RTEL1: variants seen among roughly 807,000 people sequenced by gnomAD.
RTEL1 encodes regulator of telomere elongation helicase 1.
Under a neutral mutation model 162.2 loss-of-function variants are expected in RTEL1, and 86 were observed. That is an observed-to-expected ratio of 0.53 (90% CI 0.45 to 0.63). The LOEUF (loss-of-function observed/expected upper bound fraction) is 0.63, where lower values mean the gene tolerates loss of function less well. Ranked by LOEUF, RTEL1 falls within the 30% of genes least tolerant of loss-of-function variation. The pLI is 0.00. For missense variants in RTEL1, 1,941 were observed against 1,750.2 expected (o/e 1.11, Z -1.95); for synonymous variants, 958 against 717.9 (o/e 1.33, Z -5.35).
At position 63,694,687 on chromosome 20, in the gene RTEL1, G is replaced by A. The variant is rs565723763; in HGVS notation, c.3110-54G>A. On this transcript the variant is annotated intron_variant, in intron 31 of 34. Transcript: ENST00000360203. ...GGAGGAAGGGCGGGCAGGGCGGTGGGACTCTCAGTCCTCCACCCCAGCGCC... is the reference window on the plus strand; with the variant it reads ...GGAGGAAGGGCGGGCAGGGCGGTGGAACTCTCAGTCCTCCACCCCAGCGCC... 4.8e-6 allele frequency: 7 copies of A among 1,448,582 alleles called. No individual in the cohort carries two copies. In the East Asian group the frequency reaches 1.4e-4, roughly 29 times the overall value. The allele number at this position is 1,448,582 out of a possible 1,614,324, so 89.7% of individuals were successfully genotyped here.
Position 63,692,869 on chromosome 20 carries a change from A to G in RTEL1, c.2717A>G (p.Glu906Gly), listed in dbSNP as rs762199950. 3 of 1,612,620 alleles carry G rather than the reference A, an allele frequency of 1.9e-6. No individual in the cohort carries two copies. The highest frequency in any genetic ancestry group is 2.2e-5 in the East Asian group (1 of 44,876). The change falls in exon 29 of 35, where the codon GAG (glutamate) becomes GGG (glycine). Residue 906 changes from glutamate to glycine, a missense_variant. Transcript: ENST00000360203. ...AKLFMVAVKQ[E>G]LSQANFATFT... ...CTCTTCATGGTGGCCGTGAAGCAGG[A>G]GTTGAGCCAAGCCAACTTTGCCACC...
Position 63,690,933 on chromosome 20 carries a change from C to A in RTEL1, c.2542C>A (p.Pro848Thr), listed in dbSNP as rs1295440820. The change falls in exon 27 of 35, where the codon CCT becomes ACT. Residue 848 changes from proline to threonine, a missense_variant. Pro to Thr is a conservative substitution (Grantham distance 38). Coordinates refer to ENST00000360203, the MANE Select transcript of RTEL1 (RefSeq NM_001283009.2). ...GCACAGCGAACAGCGGGCGGGGAGC[C>A]CTGGCGAGGAGCAGGTACAGTTCCA... ...LEHSEQRAGSPGEEQAHSCST... is the reference protein window; with the variant it reads ...LEHSEQRAGSTGEEQAHSCST... 1.3e-6 allele frequency: 2 copies of A among 1,554,192 alleles called. No homozygotes were observed. The highest frequency in any genetic ancestry group is 1.4e-5 in the African/African-American group (1 of 73,398).
chr20:63,674,105 G>A lies in RTEL1; in HGVS notation c.919+12G>A. On this transcript the variant is annotated intron_variant, in intron 10 of 34. Transcript: ENST00000360203. ...CTCCCCCAGCCCAGGTGCGTTCATA[G>A]CCAGACTGCTTGGTCCTGAGGCCTG... 1 of 1,603,176 alleles carries A rather than the reference G, an allele frequency of 6.2e-7. No individual in the cohort carries two copies. Among genetic ancestry groups the A allele is most frequent in the Non-Finnish European group, 8.5e-7 (1 of 1,174,708 alleles).
chr20:63,681,350 G>A (rs947626491), intron 14 of RTEL1: 21 of 985,262 alleles, frequency 2.1e-5, no homozygotes, highest in African/African-American at 5.2e-5. Context: ...TTGCCTCTCC[G>A]GGGCCTCGGT....
At chr20:63,670,846 C>T (rs1283073481) in intron 8 of RTEL1, among the ~76,000 whole-genome samples, 1 of 151,476 alleles carries the variant, frequency 6.6e-6, no homozygotes, top group African/African-American at 2.4e-5. Flanking sequence ...AAAGAAAAGA[C>T]TTCAGTGTGC....
In RTEL1 at chr20:63,662,856, A is replaced by G. The variant is rs2090048584; in HGVS notation, c.505A>G (p.Ser169Gly). The G allele has an allele frequency of 1.2e-6, 2 of 1,613,836 alleles. No homozygotes were observed. Among genetic ancestry groups the G allele is most frequent in the African/African-American group, 2.7e-5 (2 of 74,924 alleles). The change falls in exon 6 of 35, where the codon AGT (serine) becomes GGT (glycine). Residue 169 changes from serine to glycine, a missense_variant. Transcript: ENST00000360203. ...CCACTTGTGCCGTAAGAAGGTGGCAAGTCGCTCCTGTCATTTCTACAACAA... is the reference window on the plus strand; with the variant it reads ...CCACTTGTGCCGTAAGAAGGTGGCAGGTCGCTCCTGTCATTTCTACAACAA... ...QIHLCRKKVA[S>G]RSCHFYNNVE...
intron 10 of RTEL1, among the ~76,000 whole-genome samples, chr20:63,677,758 A>G (rs543717425): frequency 1.4e-5 from 2 of 139,518 alleles, no homozygotes; most frequent in Non-Finnish European, 3.1e-5. Context: ...CTGTTGGTGG[A>G]TTTGGCCTGC....
At position 63,695,209 on chromosome 20, in the gene RTEL1, G is replaced by T. The variant is rs550764571; in HGVS notation, c.3487G>T (p.Ala1163Ser). The stretch of plus-strand genomic sequence containing the variant: ...CGTGCCTCCTGTGCTTACCCACAGG[G>T]CTCCCCAACCAGGTAGGGCACCTGC... ...LAVPPVLTHR[A>S]PQPGPSRSEK... Residue 1163 changes from alanine to serine, a missense_variant, in exon 33 of 35, where the codon GCT becomes TCT. Coordinates refer to ENST00000360203, the MANE Select transcript of RTEL1 (RefSeq NM_001283009.2). The T allele has an allele frequency of 7.0e-5, 113 of 1,611,868 alleles. No individual in the cohort carries two copies. The highest frequency in any genetic ancestry group is 8.8e-5 in the Non-Finnish European group (104 of 1,179,642).
At chr20:63,678,917 G>T (rs1293065032) in intron 12 of RTEL1, among the ~76,000 whole-genome samples, 1 of 151,818 alleles carries the variant, frequency 6.6e-6, no homozygotes, top group Non-Finnish European at 1.5e-5. Flanking sequence ...CACACCCACG[G>T]AACAGCACAC....
At chr20:63,684,800 G>T (rs907176933) in intron 14 of RTEL1, among the ~76,000 whole-genome samples, 5 of 152,002 alleles carry the variant, frequency 3.3e-5, no homozygotes, top group Non-Finnish European at 5.9e-5. Context: ...CTGCCCTGAC[G>T]TTTTTTCCAT....
At chr20:63,691,949 A>T in intron 28 of RTEL1, 112 bp downstream of exon 28, 1 of 760,952 alleles carries the variant, frequency 1.3e-6, no homozygotes, top group East Asian at 2.6e-5. Context: ...ATCCACCCCC[A>T]GGAGCTGATG....
chr20:63,688,280 C>A (rs199718552), intron 19 of RTEL1, 21 bp from the exon 20 acceptor site: 57 of 1,610,848 alleles, frequency 3.5e-5, no homozygotes, highest in Non-Finnish European at 4.3e-5. Context: ...CCTGCCTTGA[C>A]CCCGGCCCCT....
At chr20:63,689,021 G>A (rs768569515) in intron 21 of RTEL1, 34 bp from the exon 22 acceptor site, 1 of 1,577,476 alleles carries the variant, frequency 6.3e-7, no homozygotes, top group East Asian at 2.2e-5. Context: ...CTGGGGGGGG[G>A]CTCCAGGCTC....
rs753746592 is a variant in RTEL1 at position 63,690,189 on chromosome 20, C to T, written c.2244C>T (p.Phe748=). The T allele has an allele frequency of 1.9e-6, 3 of 1,612,396 alleles. No individual in the cohort carries two copies. The African/African-American group carries it at 4.0e-5, about 22-fold the overall frequency. ...FGHVIRDVAQ[F]FRVAERTMPA... ...ATGTCATCCGAGACGTGGCCCAGTTCTTCCGTGTTGCCGAGCGAACTGTGA... is the reference window on the plus strand; with the variant it reads ...ATGTCATCCGAGACGTGGCCCAGTTTTTCCGTGTTGCCGAGCGAACTGTGA... The change falls in exon 25 of 35, where the codon TTC becomes TTT. Residue 748 remains phenylalanine, a synonymous_variant. Coordinates refer to ENST00000360203, the MANE Select transcript of RTEL1 (RefSeq NM_001283009.2).
rs58559263 is a variant in RTEL1, at chr20:63,687,621, C to T, written c.1349-17C>T. On this transcript the variant is annotated splice_polypyrimidine_tract_variant and intron_variant, in intron 16 of 34. Coordinates refer to ENST00000360203, the MANE Select transcript of RTEL1 (RefSeq NM_001283009.2). Reference sequence around the variant, plus strand: ...CGTCCTCACACTCTGTGCCCTCTGCCGCCCCCCGCCCCACAGGGAAGGTGC... The same window carrying T: ...CGTCCTCACACTCTGTGCCCTCTGCTGCCCCCCGCCCCACAGGGAAGGTGC... The T allele has an allele frequency of 5.6e-4, 895 of 1,593,736 alleles. 8 individuals carry two copies. In the African/African-American group the frequency reaches 0.01, roughly 18 times the overall value.
intron 12 of RTEL1, 32 bp from the exon 13 acceptor site, chr20:63,679,817 C>T (rs2090445833): frequency 1.3e-6 from 2 of 1,576,090 alleles, no homozygotes; most frequent in Non-Finnish European, 1.7e-6. Context: ...GTCCCCCCGC[C>T]AGGCTCGAGC....
At chr20:63,674,622 G>T (rs1180766902) in intron 10 of RTEL1, among the ~76,000 whole-genome samples, 1 of 151,800 alleles carries the variant, frequency 6.6e-6, no homozygotes, top group East Asian at 1.9e-4. Context: ...GCGTGCTTGA[G>T]CCTGGGAGGC....
chr20:63,677,460 C>CAA (rs2090379041), intron 10 of RTEL1, among the ~76,000 whole-genome samples: 26 of 152,166 alleles, frequency 1.7e-4, no homozygotes, highest in African/African-American at 6.3e-4. Flanking sequence ...ACTAAAAATG[C>CAA]GAAAATTAGC....
chr20:63,692,698 G>A, intron 28 of RTEL1, 107 bp from the exon 29 acceptor site: 1 of 1,097,494 alleles, frequency 9.1e-7, no homozygotes, highest in Non-Finnish European at 1.3e-6. Context: ...CCCCACCTCG[G>A]CAGTCACTGT....
Sources: gnomAD v4.1 joint callset for allele counts (sites outside exome capture counted in the v4.1 genomes callset) on GRCh38, gnomAD v4.1.1 for gene constraint, MANE v1.5 for transcripts, NCBI Gene and HGNC (gene_info 2026-07-23, HGNC 2026-07-21) for gene names.